Variants in PPP1R3B observed in about 807,000 individuals in gnomAD.
PPP1R3B encodes PP1 subunit R4.
In PPP1R3B, 8 loss-of-function variants were observed where a neutral mutation model predicts 14.6. That is an observed-to-expected ratio of 0.55 (90% CI 0.32 to 0.99). PPP1R3B has a LOEUF of 0.99. Ranked by LOEUF, PPP1R3B falls within the 50% of genes least tolerant of loss-of-function variation. The pLI, the probability that PPP1R3B is intolerant of heterozygous loss-of-function variation, is 0.04. For missense variants in PPP1R3B, 452 were observed against 360.1 expected (o/e 1.26, Z -2.07); for synonymous variants, 169 against 142.0 (o/e 1.19, Z -1.35).
rs1239951487 is a variant in PPP1R3B at position 9,141,456 on chromosome 8, C to T, written c.196G>A (p.Ala66Thr). 3.7e-6 allele frequency: 6 copies of T among 1,614,144 alleles called. No individual in the cohort carries two copies. Among genetic ancestry groups the T allele is most frequent in the South Asian group, 1.1e-5 (1 of 91,082 alleles). ...EKKVKKRVSFADNQGLALTMV... is the reference protein window; with the variant it reads ...EKKVKKRVSFTDNQGLALTMV... ...GTCAGGGCCAGCCCCTGGTTGTCTG[C>T]GAAGGACACCCGCTTTTTCACCTTC... Residue 66 changes from alanine (A) to threonine (T), a missense_variant, in exon 2 of 2, where the codon GCA becomes ACA. By Grantham distance (58) the Ala-to-Thr change is moderately conservative. Coordinates refer to ENST00000310455, the MANE Select transcript of PPP1R3B (RefSeq NM_024607.4).
intron 1 of PPP1R3B, among the ~76,000 whole-genome samples, chr8:9,144,815 G>A (rs1003149667): frequency 1.1e-4 from 16 of 151,996 alleles, no homozygotes; most frequent in African/African-American, 3.1e-4. Flanking sequence ...GCACAATCTC[G>A]GTTCACTGCA....
chr8:9,151,060 C>T (rs1298119699), upstream of PPP1R3B, among the ~76,000 whole-genome samples: 3 of 152,186 alleles, frequency 2.0e-5, no homozygotes, highest in East Asian at 5.8e-4. Context: ...AAGGGATCAG[C>T]CGCCGCAGCC....
At chr8:9,147,214 G>GCTGGT (rs1801267057) in intron 1 of PPP1R3B, among the ~76,000 whole-genome samples, 1 of 152,054 alleles carries the variant, frequency 6.6e-6, no homozygotes, top group South Asian at 2.1e-4. Flanking sequence ...ACCATGTCAG[G>GCTGGT]CTGGTCTCGA....
chr8:9,143,469 G>C (rs1801150678), intron 1 of PPP1R3B, among the ~76,000 whole-genome samples: 1 of 152,156 alleles, frequency 6.6e-6, no homozygotes, highest in Non-Finnish European at 1.5e-5. Context: ...TTGGGAGGCT[G>C]GGCAGGTGGT....
rs117738523 is a variant in PPP1R3B at position 9,145,812 on chromosome 8, C to A, written c.-17-4144G>T. On this transcript the variant is annotated intron_variant, in intron 1 of 1. Transcript: ENST00000310455. ...AGAACAAAATGAACCTAAAAAAAAT[C>A]CTCAAATATTTTATGATATGCCAAA... is the stretch of plus-strand genomic sequence containing the variant. Among the ~76,000 whole-genome samples the A allele has an allele frequency of 3.1e-3, 479 of 152,206 alleles. 1 individual carries two copies. The highest frequency in any genetic ancestry group is 5.5e-3 in the Non-Finnish European group (372 of 68,022).
At chr8:9,141,923 A>C in intron 1 of PPP1R3B, 2 of 352,096 alleles carry the variant, frequency 5.7e-6, no homozygotes, top group Non-Finnish European at 1.0e-5. Context: ...AGAGTATGAA[A>C]CCCACTAGTT....
At chr8:9,146,736 G>A (rs2117616143) in intron 1 of PPP1R3B, among the ~76,000 whole-genome samples, 1 of 152,134 alleles carries the variant, frequency 6.6e-6, no homozygotes, top group Non-Finnish European at 1.5e-5. Context: ...AATTTTAAGG[G>A]CAAATTTGCT....
At chr8:9,147,738 G>C (rs1201532697) in intron 1 of PPP1R3B, among the ~76,000 whole-genome samples, 1 of 150,864 alleles carries the variant, frequency 6.6e-6, no homozygotes, top group African/African-American at 2.4e-5. Context: ...GTAAGAACAA[G>C]CAGAAGTCCG....
rs1287483876 is a variant in PPP1R3B, at chr8:9,138,379, CAA to C, written c.*2413_*2414del. On this transcript the variant is annotated 3_prime_UTR_variant, in exon 2 of 2. Coordinates refer to ENST00000310455, the MANE Select transcript of PPP1R3B (RefSeq NM_024607.4). ...ACCCACCTGGGAGAGGTACAAAAAA[CAA>C]AGCATTAGATTTCAGGCTAAGAACA... 1 of 152,138 alleles carries C rather than the reference CAA, an allele frequency of 6.6e-6. No individual in the cohort carries two copies. Among genetic ancestry groups the C allele is most frequent in the African/African-American group, 2.4e-5 (1 of 41,408 alleles). 9.4% of individuals were successfully genotyped at this position (152,138 alleles called of 1,614,324 possible).
Position 9,141,147 on chromosome 8 carries a change from A to C in PPP1R3B, c.505T>G (p.Trp169Gly). 6.2e-7 allele frequency: 1 copy of C among 1,614,084 alleles called. No individual in the cohort carries two copies. The highest frequency in any genetic ancestry group is 8.5e-7 in the Non-Finnish European group (1 of 1,179,994). Residue 169 changes from tryptophan (W) to glycine (G), a missense_variant, in exon 2 of 2, where the codon TGG becomes GGG. Transcript: ENST00000310455. ...CAAGGAAAGTCTGTGTAGCTCTTCC[A>C]GGTGTCGAACGTCATCCTTATTTTC... ...TVKIRMTFDT[W>G]KSYTDFPCQY...
At chr8:9,146,230 G>A (rs964880971) in intron 1 of PPP1R3B, among the ~76,000 whole-genome samples, 2 of 152,152 alleles carry the variant, frequency 1.3e-5, no homozygotes, top group African/African-American at 4.8e-5. Flanking sequence ...CCGAAACTAG[G>A]ATTAAAATCT....
rs1801079909 is a variant in PPP1R3B, at chr8:9,141,358, G to A, written c.294C>T (p.Asn98=). The A allele has an allele frequency of 1.9e-6, 3 of 1,614,218 alleles. No homozygotes were observed. The highest frequency in any genetic ancestry group is 2.5e-6 in the Non-Finnish European group (3 of 1,180,028). The change falls in exon 2 of 2, where the codon AAC becomes AAT. Residue 98 remains asparagine (N), a synonymous_variant. Coordinates refer to ENST00000310455, the MANE Select transcript of PPP1R3B (RefSeq NM_024607.4). ...TCTCTGCTGTCGTCAAGCTCACAATGTTGTCTAGGAGCTCGGTGATGTTGA... is the reference window on the plus strand; with the variant it reads ...TCTCTGCTGTCGTCAAGCTCACAATATTGTCTAGGAGCTCGGTGATGTTGA... ...MPFNITELLD[N]IVSLTTAESE...
rs1284363690 is a variant in PPP1R3B at position 9,141,270 on chromosome 8, G to C, written c.382C>G (p.Leu128Val). The stretch of plus-strand genomic sequence containing the variant: ...TCAAGGCAGACGTGGTCGGCCTGAA[G>C]TCGATTTCTAAAGTCTAAGTAATCT... The part of the protein sequence containing the change: ...SADYLDFRNR[L>V]QADHVCLENC... Residue 128 changes from leucine (L) to valine (V), a missense_variant, in exon 2 of 2, where the codon CTT becomes GTT. Coordinates refer to ENST00000310455, the MANE Select transcript of PPP1R3B (RefSeq NM_024607.4). The C allele has an allele frequency of 6.2e-7, 1 of 1,614,042 alleles. No homozygotes were observed. Among genetic ancestry groups the C allele is most frequent in the African/African-American group, 1.3e-5 (1 of 74,924 alleles).
chr8:9,142,623 C>A (rs980023280), intron 1 of PPP1R3B, among the ~76,000 whole-genome samples: 1 of 152,030 alleles, frequency 6.6e-6, no homozygotes, highest in Non-Finnish European at 1.5e-5. Flanking sequence ...TTATTCCTCC[C>A]GTCTACCTGA....
At position 9,139,552 on chromosome 8, in the gene PPP1R3B, T is replaced by C. The variant is rs576083641; in HGVS notation, c.*1242A>G. ...TTGGGAAAGGAGATTCAAAATTCTC[T>C]TTTTTTTTCTGTTTGAGACGGAGTC... On this transcript the variant is annotated 3_prime_UTR_variant, in exon 2 of 2. Coordinates refer to ENST00000310455, the MANE Select transcript of PPP1R3B (RefSeq NM_024607.4). 1 of 144,008 alleles carries C rather than the reference T, an allele frequency of 6.9e-6. No individual in the cohort carries two copies. The highest frequency in any genetic ancestry group is 2.3e-4 in the East Asian group (1 of 4,430). 8.9% of individuals were successfully genotyped at this position (144,008 alleles called of 1,614,324 possible). A position where few individuals can be genotyped will look rare whatever the true frequency, so the allele number is the denominator to read the frequency against.
rs578203153 is a variant in PPP1R3B, at chr8:9,140,237, C to G, written c.*557G>C. 25 of 157,942 alleles carry G rather than the reference C, an allele frequency of 1.6e-4. 2 individuals are homozygous for G. In the South Asian group the frequency reaches 4.5e-3, roughly 28 times the overall value. The allele number at this position is 157,942 out of a possible 1,614,324, so 9.8% of individuals were successfully genotyped here. ...ATGCAAAACATGAACTTGCAGAAAA[C>G]AAGAGCCAATCCCATTTCTCTTCTG... On this transcript the variant is annotated 3_prime_UTR_variant, in exon 2 of 2. Coordinates refer to ENST00000310455, the MANE Select transcript of PPP1R3B (RefSeq NM_024607.4).
chr8:9,146,094 C>G (rs773811560), intron 1 of PPP1R3B, among the ~76,000 whole-genome samples: 3 of 152,134 alleles, frequency 2.0e-5, no homozygotes, highest in Admixed American at 1.3e-4. Context: ...GTCTCAAACT[C>G]CTGAGCTCAA....
rs1010786634 is a variant in PPP1R3B, at chr8:9,136,428, G to A, written c.*4366C>T. The A allele has an allele frequency of 3.9e-5, 6 of 152,150 alleles. No individual in the cohort carries two copies. Among genetic ancestry groups the A allele is most frequent in the African/African-American group, 1.4e-4 (6 of 41,428 alleles). The allele number at this position is 152,150 out of a possible 1,614,324, so 9.4% of individuals were successfully genotyped here. The stretch of plus-strand genomic sequence containing the variant: ...AAAATTTCTTGACAAGGCACTTTTA[G>A]GTATAAAATGAAGATGAGTCCTTGG... On this transcript the variant is annotated 3_prime_UTR_variant, in exon 2 of 2. Transcript: ENST00000310455.
rs1236822950 is a variant in PPP1R3B, at chr8:9,141,433, C to G, written c.219G>C (p.Leu73=). 5 of 1,614,182 alleles carry G rather than the reference C, an allele frequency of 3.1e-6. No homozygotes were observed. Among genetic ancestry groups the G allele is most frequent in the Non-Finnish European group, 4.2e-6 (5 of 1,180,046 alleles). Residue 73 remains leucine (L), a synonymous_variant, in exon 2 of 2, where the codon CTG becomes CTC. Transcript: ENST00000310455. ...VSFADNQGLA[L]TMVKVFSEFD... ...ATTCCGAGAACACTTTGACCATTGTCAGGGCCAGCCCCTGGTTGTCTGCGA... is the reference window on the plus strand; with the variant it reads ...ATTCCGAGAACACTTTGACCATTGTGAGGGCCAGCCCCTGGTTGTCTGCGA...
Sources: gnomAD v4.1 joint callset for allele counts (sites outside exome capture counted in the v4.1 genomes callset) on GRCh38, gnomAD v4.1.1 for gene constraint, MANE v1.5 for transcripts, NCBI Gene and HGNC (gene_info 2026-07-23, HGNC 2026-07-21) for gene names.